GPR158: variants seen among roughly 807,000 people sequenced by gnomAD.
The protein encoded by GPR158 is metabotropic glycine receptor.
In GPR158, 30 loss-of-function variants were observed where a neutral mutation model predicts 78.2. The observed-to-expected ratio is 0.38, with a 90% CI of 0.29 to 0.52. The LOEUF (loss-of-function observed/expected upper bound fraction) is 0.52. GPR158 is among the 20% of genes least tolerant of loss of function. The pLI is 0.83. For missense variants in GPR158, 1,463 were observed against 1,523.5 expected (o/e 0.96, Z 0.66); for synonymous variants, 581 against 591.1 (o/e 0.98, Z 0.25).
At chr10:25,265,476 G>A (rs1854033425) in intron 2 of GPR158, among the ~76,000 whole-genome samples, 1 of 152,096 alleles carries the variant, frequency 6.6e-6, no homozygotes, top group East Asian at 1.9e-4. Flanking sequence ...TTTTTCTTGT[G>A]TACTCCACTG....
intron 2 of GPR158, among the ~76,000 whole-genome samples, chr10:25,287,220 G>C (rs189918663): frequency 3.8e-4 from 58 of 151,374 alleles, no homozygotes; most frequent in African/African-American, 1.4e-3. Flanking sequence ...GCTCTTCCCC[G>C]AGATATAGGG....
At chr10:25,359,326 G>T (rs1004939943) in intron 2 of GPR158, among the ~76,000 whole-genome samples, 1 of 151,990 alleles carries the variant, frequency 6.6e-6, no homozygotes, top group African/African-American at 2.4e-5. Context: ...TGTTACATAG[G>T]TATACACATG....
chr10:25,260,507 G>A (rs115095344), intron 2 of GPR158, among the ~76,000 whole-genome samples: 2,892 of 151,774 alleles, frequency 0.019, 76 homozygotes, highest in South Asian at 0.057. Flanking sequence ...CATATGTTAG[G>A]CTTTTTTTTT....
chr10:25,496,395 G>A (rs989852383), intron 5 of GPR158, among the ~76,000 whole-genome samples: 5 of 152,130 alleles, frequency 3.3e-5, no homozygotes, highest in African/African-American at 1.2e-4. Flanking sequence ...ACAGCTTTAC[G>A]CCAGGCATTT....
chr10:25,557,621 T>C (rs1564489189), intron 6 of GPR158, among the ~76,000 whole-genome samples: 1 of 152,246 alleles, frequency 6.6e-6, no homozygotes, highest in Non-Finnish European at 1.5e-5. Flanking sequence ...TTAACTGGGT[T>C]GGTATATACA....
chr10:25,529,363 G>A lies in GPR158; in HGVS notation c.1405-21613G>A, dbSNP rs562560976. Among the ~76,000 whole-genome samples, 7 of 151,878 alleles carry A rather than the reference G, an allele frequency of 4.6e-5. 1 individual carries two copies. The South Asian group carries it at 6.2e-4, about 14-fold the overall frequency. On this transcript the variant is annotated intron_variant, in intron 5 of 10. Coordinates refer to ENST00000376351, the MANE Select transcript of GPR158 (RefSeq NM_020752.3). The stretch of plus-strand genomic sequence containing the variant: ...GATTGCACCATTGCACTCCAGCCTC[G>A]GTGACAGAGCGAGACTCCTCAAAAA...
intron 4 of GPR158, among the ~76,000 whole-genome samples, chr10:25,424,254 G>C (rs973049297): frequency 6.6e-6 from 1 of 151,938 alleles, no homozygotes; most frequent in Non-Finnish European, 1.5e-5. Flanking sequence ...GTAAATTTAA[G>C]TTCTTTGTAG....
chr10:25,433,570 T>TGTGTGTGTGTGCGC (rs1554803626), intron 4 of GPR158, among the ~76,000 whole-genome samples: 26 of 128,742 alleles, frequency 2.0e-4, no homozygotes, highest in Non-Finnish European at 3.9e-4. Context: ...TGTGTGTGTG[T>TGTGTGTGTGTGCGC]GCGCGCGCGC....
intron 1 of GPR158, among the ~76,000 whole-genome samples, chr10:25,201,594 G>GT (rs1442095500): frequency 6.6e-6 from 1 of 152,098 alleles, no homozygotes; most frequent in African/African-American, 2.4e-5. Context: ...AATTCTGCCA[G>GT]TTTTTGCCTA....
intron 2 of GPR158, among the ~76,000 whole-genome samples, chr10:25,324,690 C>T (rs533047908): frequency 6.6e-6 from 1 of 152,256 alleles, no homozygotes; most frequent in South Asian, 2.1e-4. Context: ...ATTTGTAAAA[C>T]ATGCAGTATC....
chr10:25,184,514 T>G (rs934434499), intron 1 of GPR158, among the ~76,000 whole-genome samples: 2 of 152,262 alleles, frequency 1.3e-5, no homozygotes, highest in African/African-American at 4.8e-5. Context: ...CAAGCTATAC[T>G]AAAACATGTA....
intron 2 of GPR158, among the ~76,000 whole-genome samples, chr10:25,244,325 C>G (rs1175233323): frequency 6.6e-6 from 1 of 152,148 alleles, no homozygotes; most frequent in African/African-American, 2.4e-5. Flanking sequence ...CCAGAGATAG[C>G]CTAAGGCAGG....
At chr10:25,452,431 A>T (rs1026613701) in intron 4 of GPR158, among the ~76,000 whole-genome samples, 2 of 152,170 alleles carry the variant, frequency 1.3e-5, no homozygotes, top group African/African-American at 4.8e-5. Flanking sequence ...AACAGAAAAA[A>T]CTACAGTAAA....
intron 4 of GPR158, among the ~76,000 whole-genome samples, chr10:25,448,179 G>A (rs944385081): frequency 6.6e-6 from 1 of 150,714 alleles, no homozygotes; most frequent in Admixed American, 6.6e-5. Context: ...CTGCCTCCCA[G>A]GTTCACGCCA....
chr10:25,543,602 T>C (rs1169022378), intron 5 of GPR158, among the ~76,000 whole-genome samples: 1 of 152,176 alleles, frequency 6.6e-6, no homozygotes, highest in African/African-American at 2.4e-5. Context: ...CACTGAGTAA[T>C]TTCACATCAG....
intron 6 of GPR158, among the ~76,000 whole-genome samples, chr10:25,563,283 T>C (rs1346028966): frequency 6.6e-6 from 1 of 152,106 alleles, no homozygotes; most frequent in Non-Finnish European, 1.5e-5. Flanking sequence ...CCATTTTGGT[T>C]ATTATTTACA....
intron 2 of GPR158, among the ~76,000 whole-genome samples, chr10:25,371,768 G>A (rs1442139455): frequency 7.4e-6 from 1 of 134,342 alleles, no homozygotes; most frequent in Non-Finnish European, 1.6e-5. Flanking sequence ...AGAAAACCTA[G>A]GCATTACCAT....
chr10:25,301,597 G>GT (rs1854594608), intron 2 of GPR158, among the ~76,000 whole-genome samples: 1 of 151,878 alleles, frequency 6.6e-6, no homozygotes, highest in South Asian at 2.1e-4. Context: ...TTGTGAAAAA[G>GT]TAGAAAGGTA....
chr10:25,490,464 C>T (rs1415771022), intron 5 of GPR158, among the ~76,000 whole-genome samples: 1 of 98,992 alleles, frequency 1.0e-5, no homozygotes, highest in Non-Finnish European at 2.0e-5. Context: ...CACCACAGTC[C>T]CCAGAGTGTG....
Sources: allele counts gnomAD v4.1 joint callset (sites outside exome capture counted in the v4.1 genomes callset), GRCh38; gene constraint gnomAD v4.1.1; transcripts MANE v1.5; gene names NCBI Gene and HGNC (gene_info 2026-07-23, HGNC 2026-07-21).